Variants in PRICKLE2 observed in about 807,000 individuals in gnomAD.
PRICKLE2 encodes prickle planar cell polarity protein 2.
A neutral mutation model predicts 81.4 loss-of-function variants in PRICKLE2; 21 were observed. The observed-to-expected ratio is 0.26, with a 90% CI of 0.18 to 0.37. PRICKLE2 has a LOEUF of 0.37. PRICKLE2 is among the 10% of genes least tolerant of loss of function. The pLI is 1.00. For missense variants in PRICKLE2, 940 were observed against 1,109.0 expected (o/e 0.85, Z 2.16); for synonymous variants, 456 against 421.5 (o/e 1.08, Z -1.00).
chr3:64,108,572 A>G (rs944192679), intron 7 of PRICKLE2, among the ~76,000 whole-genome samples: 3 of 152,136 alleles, frequency 2.0e-5, no homozygotes, highest in Admixed American at 6.5e-5. Flanking sequence ...AATGCACTCG[A>G]AAGTGTGATC....
intron 2 of PRICKLE2, among the ~76,000 whole-genome samples, chr3:64,233,644 C>T (rs1020597578): frequency 6.6e-6 from 1 of 152,160 alleles, no homozygotes; most frequent in Non-Finnish European, 1.5e-5. Flanking sequence ...ACTAACATGG[C>T]CAAACAATTC....
At chr3:64,166,964 G>A (rs2077844351) in intron 2 of PRICKLE2, among the ~76,000 whole-genome samples, 1 of 152,202 alleles carries the variant, frequency 6.6e-6, no homozygotes, top group Admixed American at 6.5e-5. Flanking sequence ...GAGGGAGGGA[G>A]AAACAGCTCT....
intron 7 of PRICKLE2, among the ~76,000 whole-genome samples, chr3:64,119,148 C>A (rs535252979): frequency 1.3e-5 from 2 of 152,226 alleles, no homozygotes; most frequent in East Asian, 3.9e-4. Flanking sequence ...CATGTTCTTA[C>A]TTATAAGTGG....
At chr3:64,242,109 T>C (rs377354098) in intron 2 of PRICKLE2, among the ~76,000 whole-genome samples, 3 of 152,264 alleles carry the variant, frequency 2.0e-5, no homozygotes, top group East Asian at 3.9e-4. Context: ...TGCAAGCAGC[T>C]TAAGGGATCA....
intron 7 of PRICKLE2, among the ~76,000 whole-genome samples, chr3:64,142,454 T>A (rs2077378376): frequency 6.6e-6 from 1 of 151,950 alleles, no homozygotes; most frequent in South Asian, 2.1e-4. Context: ...GGAACTACAG[T>A]CATGCACCAC....
intron 2 of PRICKLE2, among the ~76,000 whole-genome samples, chr3:64,176,914 G>A (rs558295286): frequency 4.6e-5 from 7 of 152,074 alleles, no homozygotes; most frequent in African/African-American, 9.6e-5. Context: ...CTTGGCCTGC[G>A]GGTTATAGTT....
chr3:64,241,416 T>A (rs754661162), intron 2 of PRICKLE2, among the ~76,000 whole-genome samples: 2 of 152,258 alleles, frequency 1.3e-5, no homozygotes, highest in Non-Finnish European at 2.9e-5. Context: ...CTCTTATTCA[T>A]CTACTTATAT....
At chr3:64,178,989 TTCTTTC>T (rs1553648463) in intron 2 of PRICKLE2, among the ~76,000 whole-genome samples, 8 of 145,166 alleles carry the variant, frequency 5.5e-5, no homozygotes, top group Admixed American at 3.5e-4. Context: ...CTTTCTTTCT[TTCTTTC>T]TTTCTTTCTT....
At chr3:64,128,018 T>C (rs765967998) in intron 7 of PRICKLE2, among the ~76,000 whole-genome samples, 11 of 152,070 alleles carry the variant, frequency 7.2e-5, no homozygotes, top group African/African-American at 9.7e-5. Context: ...CCTCATATTT[T>C]ATATGATCAA....
At chr3:64,157,523 T>G (rs116251299) in intron 4 of PRICKLE2, among the ~76,000 whole-genome samples, 158 bp from the exon 5 acceptor site, 4 of 152,326 alleles carry the variant, frequency 2.6e-5, no homozygotes, top group African/African-American at 9.6e-5. Context: ...GGGCAGGTTT[T>G]TCTTGTCCTC....
At chr3:64,187,367 G>C (rs1027442923) in intron 2 of PRICKLE2, among the ~76,000 whole-genome samples, 1 of 152,202 alleles carries the variant, frequency 6.6e-6, no homozygotes, top group African/African-American at 2.4e-5. Context: ...GAGGTGGACT[G>C]CTCTGAAGCC....
In PRICKLE2 at chr3:64,168,367, T is replaced by C. The variant is rs535661719; in HGVS notation, c.145-5238A>G. 1.3e-3 allele frequency among the ~76,000 whole-genome samples: 200 copies of C among 152,268 alleles called. 1 individual carries two copies. Among genetic ancestry groups the C allele is most frequent in the Admixed American group, 2.3e-3 (35 of 15,294 alleles). On this transcript the variant is annotated intron_variant, in intron 2 of 7. Coordinates refer to ENST00000638394, the MANE Select transcript of PRICKLE2 (RefSeq NM_198859.4). ...ATACAGTAACACTAATGATAGCTGA[T>C]GAGCTTTAAAAAATTGCAAAAAAAA...
chr3:64,113,003 C>A (rs947031513), intron 7 of PRICKLE2, among the ~76,000 whole-genome samples: 1 of 152,130 alleles, frequency 6.6e-6, no homozygotes, highest in African/African-American at 2.4e-5. Context: ...GGCTACCCTG[C>A]AGCAGGACTC....
intron 2 of PRICKLE2, among the ~76,000 whole-genome samples, chr3:64,255,723 T>G (rs774050833): frequency 1.4e-4 from 22 of 152,202 alleles, no homozygotes; most frequent in Non-Finnish European, 5.9e-5. Flanking sequence ...CCAGTTTTCA[T>G]CTAAGCACAC....
chr3:64,266,152 A>C (rs1434601115), intron 2 of PRICKLE2, among the ~76,000 whole-genome samples: 3 of 151,784 alleles, frequency 2.0e-5, no homozygotes, highest in Non-Finnish European at 4.4e-5. Flanking sequence ...TCTCCTGGTA[A>C]TTTCCTGCAG....
chr3:64,193,556 G>A (rs1028468884), intron 2 of PRICKLE2, among the ~76,000 whole-genome samples: 8 of 152,134 alleles, frequency 5.3e-5, no homozygotes, highest in South Asian at 2.1e-4. Context: ...AGTGGAGAGC[G>A]TCATCACATT....
chr3:64,148,955 C>T (rs1352697662), intron 6 of PRICKLE2, among the ~76,000 whole-genome samples: 1 of 152,198 alleles, frequency 6.6e-6, no homozygotes, highest in African/African-American at 2.4e-5. Context: ...GATTTCAACT[C>T]TTGTTAAGGA....
At chr3:64,109,171 C>T (rs2076803559) in intron 7 of PRICKLE2, among the ~76,000 whole-genome samples, 1 of 152,132 alleles carries the variant, frequency 6.6e-6, no homozygotes, top group Admixed American at 6.5e-5. Context: ...GTTGCCGCTC[C>T]TTCTTTCTAG....
chr3:64,183,332 G>A (rs1473057475), intron 2 of PRICKLE2, among the ~76,000 whole-genome samples: 4 of 152,020 alleles, frequency 2.6e-5, no homozygotes, highest in Non-Finnish European at 5.9e-5. Context: ...AAAATATTAT[G>A]TAGCTGTTCA....
Sources: gnomAD v4.1 joint callset for allele counts (sites outside exome capture counted in the v4.1 genomes callset) on GRCh38, gnomAD v4.1.1 for gene constraint, MANE v1.5 for transcripts, NCBI Gene and HGNC (gene_info 2026-07-23, HGNC 2026-07-21) for gene names.